The following RBFOX1 variants were observed in gnomAD, a reference collection of about 807,000 sequenced individuals.
The protein encoded by RBFOX1 is RNA binding protein fox-1 homolog 1.
Under a neutral mutation model 57.7 loss-of-function variants are expected in RBFOX1, and 8 were observed. The ratio of observed to expected loss-of-function variants is 0.14; its 90% confidence interval spans 0.08 to 0.25. The LOEUF (loss-of-function observed/expected upper bound fraction) is 0.25, where lower values mean the gene tolerates loss of function less well. RBFOX1 is among the 10% of genes least tolerant of loss of function. The pLI is 1.00. For missense variants in RBFOX1, 611 were observed against 548.5 expected (o/e 1.11, Z -1.14); for synonymous variants, 326 against 222.4 (o/e 1.47, Z -4.15).
chr16:5,382,587 T>C (rs1253983672), intron 1 of RBFOX1, among the ~76,000 whole-genome samples: 2 of 152,202 alleles, frequency 1.3e-5, no homozygotes, highest in Non-Finnish European at 2.9e-5. Context: ...TACCTTAGGT[T>C]TGACTAATTT....
At chr16:6,508,540 A>G (rs1157121893) in intron 2 of RBFOX1, among the ~76,000 whole-genome samples, 3 of 152,154 alleles carry the variant, frequency 2.0e-5, no homozygotes, top group Non-Finnish European at 4.4e-5. Flanking sequence ...GCTTAGAAAG[A>G]GAGAAAAAAT....
At chr16:6,705,378 C>G (rs1458263184) in intron 3 of RBFOX1, 1 of 152,200 alleles carries the variant, frequency 6.6e-6, no homozygotes, top group East Asian at 1.9e-4. Flanking sequence ...TCATGTTTAG[C>G]TTAATTGGGA....
intron 3 of RBFOX1, among the ~76,000 whole-genome samples, chr16:6,940,848 AGTCTGTGTGTGTGT>A (rs1479213764): frequency 3.4e-4 from 20 of 58,498 alleles, no homozygotes; most frequent in South Asian, 7.2e-4. Flanking sequence ...ATGTCCGGCT[AGTCTGTGTGTGTGT>A]GTGTGTGTGT....
At chr16:6,986,654 C>G (rs1371295455) in intron 3 of RBFOX1, among the ~76,000 whole-genome samples, 1 of 152,142 alleles carries the variant, frequency 6.6e-6, no homozygotes, top group Admixed American at 6.6e-5. Context: ...CTGTCTCCCT[C>G]TTTTCCTTCC....
At chr16:6,696,319 A>G (rs1307449447) in intron 3 of RBFOX1, among the ~76,000 whole-genome samples, 1 of 150,954 alleles carries the variant, frequency 6.6e-6, no homozygotes, top group East Asian at 2.2e-4. Context: ...TTTTTCTTAG[A>G]AGTTTTCTTT....
At chr16:6,385,660 T>G (rs1391361185) in intron 2 of RBFOX1, among the ~76,000 whole-genome samples, 1 of 152,198 alleles carries the variant, frequency 6.6e-6, no homozygotes, top group Non-Finnish European at 1.5e-5. Context: ...ATCTTTAAAA[T>G]GGACACAATA....
At chr16:6,963,947 C>T (rs1292672724) in intron 3 of RBFOX1, among the ~76,000 whole-genome samples, 3 of 152,108 alleles carry the variant, frequency 2.0e-5, no homozygotes, top group African/African-American at 4.8e-5. Context: ...ATCCACCCGC[C>T]TCGGCCTCCC....
intron 4 of RBFOX1, among the ~76,000 whole-genome samples, chr16:5,942,631 C>G (rs1465093126): frequency 6.6e-6 from 1 of 152,090 alleles, no homozygotes; most frequent in East Asian, 1.9e-4. Context: ...TTTACAGAGG[C>G]AGTTTAGTTT....
intron 3 of RBFOX1, among the ~76,000 whole-genome samples, chr16:7,007,304 C>G (rs1401293379): frequency 6.6e-6 from 1 of 152,152 alleles, no homozygotes; most frequent in East Asian, 1.9e-4. Flanking sequence ...AGCAATGGTA[C>G]GAATGCATCT....
chr16:5,721,991 A>G (rs1224323408), intron 3 of RBFOX1, among the ~76,000 whole-genome samples: 1 of 152,232 alleles, frequency 6.6e-6, no homozygotes, highest in Non-Finnish European at 1.5e-5. Flanking sequence ...TTGACCCCAT[A>G]GCACAATATT....
At chr16:5,370,448 T>C (rs950365659) in intron 1 of RBFOX1, among the ~76,000 whole-genome samples, 1 of 135,354 alleles carries the variant, frequency 7.4e-6, no homozygotes, top group African/African-American at 2.7e-5. Flanking sequence ...TGTTCCCCGA[T>C]CCAGCCTCCT....
chr16:6,034,864 C>G (rs1000843249), intron 1 of RBFOX1, among the ~76,000 whole-genome samples: 2 of 149,338 alleles, frequency 1.3e-5, no homozygotes, highest in Admixed American at 6.7e-5. Context: ...ACCTCAGGTG[C>G]TTTGCTTAGG....
At chr16:5,591,556 T>C (rs1186954027) in intron 2 of RBFOX1, among the ~76,000 whole-genome samples, 2 of 152,176 alleles carry the variant, frequency 1.3e-5, no homozygotes, top group Non-Finnish European at 1.5e-5. Flanking sequence ...TGGTCCAAAA[T>C]GAGCCTTTTA....
chr16:6,523,463 C>A (rs777361227), intron 2 of RBFOX1, among the ~76,000 whole-genome samples: 1 of 152,144 alleles, frequency 6.6e-6, no homozygotes, highest in Non-Finnish European at 1.5e-5. Context: ...CAGTGAAGAA[C>A]TCTGAAGGCA....
At chr16:7,571,712 G>C (rs556212026) in intron 5 of RBFOX1, among the ~76,000 whole-genome samples, 1 of 152,300 alleles carries the variant, frequency 6.6e-6, no homozygotes, top group East Asian at 1.9e-4. Context: ...GGGAAGCTCT[G>C]CCAAGTGCCG....
chr16:6,626,787 G>A, intron 2 of RBFOX1, among the ~76,000 whole-genome samples: 1 of 151,736 alleles, frequency 6.6e-6, no homozygotes, highest in East Asian at 1.9e-4. Context: ...AAATAAAATA[G>A]AAATAAAATA....
chr16:5,291,721 T>A (rs149430818), intron 1 of RBFOX1, among the ~76,000 whole-genome samples: 3 of 152,292 alleles, frequency 2.0e-5, no homozygotes, highest in Non-Finnish European at 4.4e-5. Context: ...GCATTTGCAG[T>A]CAAACAGCTG....
chr16:6,210,345 C>CAAAA lies in RBFOX1; in HGVS notation c.-126-106641_-126-106638dup, dbSNP rs770814967. ...AAAAAAAAACAAAAAAACAAAAAAACAAAAAAAAAAAACACCAAAAAAAAA... is the reference window on the plus strand; with the variant it reads ...AAAAAAAAACAAAAAAACAAAAAAACAAAAAAAAAAAAAAAACACCAAAAAAAAA... On this transcript the variant is annotated intron_variant, in intron 1 of 15. Transcript: ENST00000550418. Among the ~76,000 whole-genome samples the CAAAA allele has an allele frequency of 3.8e-3, 99 of 25,878 alleles. 1 individual carries two copies. Among genetic ancestry groups the CAAAA allele is most frequent in the Non-Finnish European group, 5.4e-3 (82 of 15,052 alleles). 17.0% of individuals were successfully genotyped at this position (25,878 alleles called of 152,430 possible).
chr16:7,441,679 CA>C (rs949137010), intron 4 of RBFOX1, among the ~76,000 whole-genome samples: 1 of 152,086 alleles, frequency 6.6e-6, no homozygotes. Context: ...TGGCTTCTTG[CA>C]AAAAAATCAG....
Sources: allele counts gnomAD v4.1 joint callset (sites outside exome capture counted in the v4.1 genomes callset), GRCh38; gene constraint gnomAD v4.1.1; transcripts MANE v1.5; gene names NCBI Gene and HGNC (gene_info 2026-07-23, HGNC 2026-07-21).